Variants in VWA3B observed in about 807,000 individuals in gnomAD.
VWA3B encodes von Willebrand factor A domain containing 3B.
A neutral mutation model predicts 158.3 loss-of-function variants in VWA3B; 138 were observed. The observed-to-expected ratio is 0.87, with a 90% CI of 0.76 to 1.00. The LOEUF is 1.00. Among genes scored for constraint, VWA3B ranks in the 50% least tolerant of loss-of-function variants. The probability of loss-of-function intolerance (pLI) is 0.00; values close to 1 mark genes in which losing one functional copy is unlikely to be tolerated. For synonymous variants in VWA3B, 596 were observed against 587.3 expected (o/e 1.01, Z -0.21); for missense variants, 1,555 against 1,565.1 (o/e 0.99, Z 0.11).
intron 1 of VWA3B, among the ~76,000 whole-genome samples, chr2:98,089,288 C>G (rs758683065): frequency 1.3e-5 from 2 of 152,122 alleles, no homozygotes; most frequent in African/African-American, 2.4e-5. Flanking sequence ...ATTGAACTGT[C>G]TTTAAGTCTA....
intron 13 of VWA3B, among the ~76,000 whole-genome samples, chr2:98,215,054 AC>A (rs1683858404): frequency 6.6e-6 from 1 of 152,208 alleles, no homozygotes; most frequent in African/African-American, 2.4e-5. Context: ...GTATAAAAAT[AC>A]ACTCAAAATT....
At chr2:98,141,950 G>T (rs1676806476) in intron 7 of VWA3B, among the ~76,000 whole-genome samples, 1 of 152,096 alleles carries the variant, frequency 6.6e-6, no homozygotes, top group Admixed American at 6.5e-5. Flanking sequence ...TGGCAGATTT[G>T]AATTTCTGGT....
In VWA3B at chr2:98,228,404, G is replaced by T. The variant is rs984423262; in HGVS notation, c.2150+72G>T. 3.4e-6 allele frequency: 5 copies of T among 1,479,810 alleles called. No individual in the cohort carries two copies. The African/African-American group carries it at 7.0e-5, about 21-fold the overall frequency. The allele number at this position is 1,479,810 out of a possible 1,614,324, so 91.7% of individuals were successfully genotyped here. A position where few individuals can be genotyped will look rare whatever the true frequency, so the allele number is the denominator to read the frequency against. On this transcript the variant is annotated intron_variant, in intron 15 of 27. Transcript: ENST00000477737. The stretch of plus-strand genomic sequence containing the variant: ...AGCTGGGCTTGCCCCCTGGGCCCTT[G>T]TCCTTTCTGAAATGCTCTGTGAAAT...
At chr2:98,260,568 T>C (rs987388318) in intron 21 of VWA3B, among the ~76,000 whole-genome samples, 1 of 151,742 alleles carries the variant, frequency 6.6e-6, no homozygotes, top group African/African-American at 2.4e-5. Context: ...TATGACACTA[T>C]TTTATTTAAG....
At chr2:98,234,198 C>G (rs1685522505) in intron 16 of VWA3B, among the ~76,000 whole-genome samples, 1 of 152,210 alleles carries the variant, frequency 6.6e-6, no homozygotes, top group Admixed American at 6.5e-5. Flanking sequence ...ACTGTGGGAA[C>G]TGTGAAAAGC....
chr2:98,146,546 G>A (rs1677188701), intron 7 of VWA3B, among the ~76,000 whole-genome samples: 1 of 152,152 alleles, frequency 6.6e-6, no homozygotes, highest in Admixed American at 6.5e-5. Flanking sequence ...TGTCATTGAG[G>A]TTCTAGCATC....
chr2:98,311,638 A>G (rs1690901134), intron 26 of VWA3B, among the ~76,000 whole-genome samples, 181 bp from the exon 27 acceptor site: 1 of 152,176 alleles, frequency 6.6e-6, no homozygotes, highest in Non-Finnish European at 1.5e-5. Context: ...GCTCGTGGAA[A>G]TGAACTGAGT....
chr2:98,328,841 A>G, the VWA3B span, among the ~76,000 whole-genome samples: 1 of 152,220 alleles, frequency 6.6e-6, no homozygotes, highest in African/African-American at 2.4e-5. Context: ...TTATTCTAAA[A>G]TACATGTAGA....
At chr2:98,280,528 G>T (rs1054310524) in intron 22 of VWA3B, among the ~76,000 whole-genome samples, 4 of 152,234 alleles carry the variant, frequency 2.6e-5, no homozygotes, top group Non-Finnish European at 5.9e-5. Flanking sequence ...TCTGTCTGTG[G>T]AAGTGTTTCT....
chr2:98,122,203 C>T (rs1267359201), intron 5 of VWA3B: 3 of 152,240 alleles, frequency 2.0e-5, no homozygotes. Context: ...AGTGGAGACA[C>T]ACTCTGGGCA....
rs569434519 is a variant in VWA3B at position 98,162,870 on chromosome 2, C to T, written c.1008C>T (p.Asp336=). ...TTTTAGGAGCTGGAGTCAGAGAGGA[C>T]GTGTTTCTCGTTTGGCAAGAGATGG... ...KLPPGAGVRE[D]VFLVWQEMEE... is the part of the protein sequence containing the mutation. Residue 336 remains aspartate (D), a synonymous_variant, in exon 8 of 28, where the codon GAC becomes GAT. Transcript: ENST00000477737. 13 of 1,613,700 alleles carry T rather than the reference C, an allele frequency of 8.1e-6. No homozygotes were observed. The highest frequency in any genetic ancestry group is 5.0e-5 in the Admixed American group (3 of 60,002).
In VWA3B at chr2:98,133,247, T is replaced by C. The variant is rs137870991; in HGVS notation, c.873-577T>C. ...GTGTGTATTCCTAACCTGCTGCTCC[T>C]TGGACCATGCTTTGAAAAGACAGGT... is the stretch of plus-strand genomic sequence containing the variant. On this transcript the variant is annotated intron_variant, in intron 6 of 27. Coordinates refer to ENST00000477737, the MANE Select transcript of VWA3B (RefSeq NM_144992.5). Among the ~76,000 whole-genome samples, 9 of 152,310 alleles carry C rather than the reference T, an allele frequency of 5.9e-5. No individual in the cohort carries two copies. In the South Asian group the frequency reaches 1.9e-3, roughly 32 times the overall value.
intron 10 of VWA3B, among the ~76,000 whole-genome samples, chr2:98,191,430 G>A (rs900469785): frequency 6.6e-6 from 1 of 152,066 alleles, no homozygotes; most frequent in Non-Finnish European, 1.5e-5. Context: ...ACATTATCAG[G>A]TACTAGATTT....
At chr2:98,245,747 C>T in intron 19 of VWA3B, 2 of 350,458 alleles carry the variant, frequency 5.7e-6, no homozygotes, top group Non-Finnish European at 1.1e-5. Context: ...TTACAGACTT[C>T]TAACGGGGTA....
intron 24 of VWA3B, among the ~76,000 whole-genome samples, chr2:98,299,657 T>C (rs1478893112): frequency 1.3e-5 from 2 of 152,236 alleles, no homozygotes; most frequent in African/African-American, 4.8e-5. Flanking sequence ...ACCCTTGGAT[T>C]CTGGGTGTGT....
intron 8 of VWA3B, among the ~76,000 whole-genome samples, chr2:98,163,936 G>A (rs1243810850): frequency 6.6e-6 from 1 of 152,222 alleles, no homozygotes; most frequent in East Asian, 1.9e-4. Flanking sequence ...TGCAAAGGTT[G>A]AGGCCTCGCT....
At chr2:98,230,000 T>A in intron 15 of VWA3B, 50 bp from the exon 16 acceptor site, 1 of 1,518,216 alleles carries the variant, frequency 6.6e-7, no homozygotes. Flanking sequence ...TGATGGAAAT[T>A]TTCTTTTCTC....
At chr2:98,260,729 A>G (rs1687430577) in intron 21 of VWA3B, among the ~76,000 whole-genome samples, 1 of 151,754 alleles carries the variant, frequency 6.6e-6, no homozygotes, top group Non-Finnish European at 1.5e-5. Flanking sequence ...GTATGCATGT[A>G]TGTTTCTAAT....
chr2:98,105,596 C>T (rs1005568199), intron 2 of VWA3B, among the ~76,000 whole-genome samples: 22 of 152,162 alleles, frequency 1.4e-4, no homozygotes, highest in African/African-American at 4.3e-4. Context: ...ATAAGGTTCA[C>T]GTTTTTTTGT....
Sources: gnomAD v4.1 joint callset for allele counts (sites outside exome capture counted in the v4.1 genomes callset) on GRCh38, gnomAD v4.1.1 for gene constraint, MANE v1.5 for transcripts, NCBI Gene and HGNC (gene_info 2026-07-23, HGNC 2026-07-21) for gene names.